SPAG16: variants seen among roughly 807,000 people sequenced by gnomAD.
The protein encoded by SPAG16 is sperm-associated antigen 16 protein.
A neutral mutation model predicts 80.4 loss-of-function variants in SPAG16; 86 were observed. The observed-to-expected ratio is 1.07, with a 90% CI of 0.90 to 1.28. The LOEUF (loss-of-function observed/expected upper bound fraction) is 1.28. Ranked by LOEUF, SPAG16 falls within the 50% of genes most tolerant of loss-of-function variation. The probability of loss-of-function intolerance (pLI) is 0.00; values close to 1 mark genes in which losing one functional copy is unlikely to be tolerated. For missense variants in SPAG16, 870 were observed against 765.3 expected (o/e 1.14, Z -1.61); for synonymous variants, 294 against 265.9 (o/e 1.11, Z -1.03).
chr2:213,491,171 T>C (rs1347916380), intron 10 of SPAG16, among the ~76,000 whole-genome samples: 1 of 152,202 alleles, frequency 6.6e-6, no homozygotes, highest in African/African-American at 2.4e-5. Context: ...ACCATAAAAA[T>C]GATACATTTA....
chr2:213,340,585 G>T (rs1227807448), intron 6 of SPAG16, among the ~76,000 whole-genome samples: 1 of 152,148 alleles, frequency 6.6e-6, no homozygotes, highest in Non-Finnish European at 1.5e-5. Flanking sequence ...GTATGAGTAA[G>T]AGTAGACAGT....
chr2:214,377,369 G>A (rs1253218666), intron 15 of SPAG16, among the ~76,000 whole-genome samples: 9 of 152,114 alleles, frequency 5.9e-5, no homozygotes, highest in African/African-American at 1.9e-4. Flanking sequence ...AAGTTGAATT[G>A]CTTGATATGT....
chr2:213,572,823 G>T (rs1412764494), intron 10 of SPAG16, among the ~76,000 whole-genome samples: 1 of 152,088 alleles, frequency 6.6e-6, no homozygotes, highest in African/African-American at 2.4e-5. Flanking sequence ...AATGGCGGGC[G>T]CCCCTCCCCC....
At chr2:214,167,510 C>T (rs1352314604) in intron 15 of SPAG16, among the ~76,000 whole-genome samples, 2 of 152,004 alleles carry the variant, frequency 1.3e-5, no homozygotes, top group East Asian at 3.9e-4. Flanking sequence ...TGTGCCTTTT[C>T]CTGGGGGTGG....
intron 15 of SPAG16, among the ~76,000 whole-genome samples, chr2:214,216,367 G>A (rs2058432384): frequency 1.3e-5 from 2 of 152,272 alleles, no homozygotes; most frequent in African/African-American, 2.4e-5. Context: ...CTGTCGCCAG[G>A]CTGGAATGCA....
In SPAG16 at chr2:214,228,664, G is replaced by C. The variant is rs79611940; in HGVS notation, c.1720+79398G>C. ...CTGAATCAGAAAGTCTGCAATTAGG[G>C]CCCAGCCATCAGTATTTTGACCTCA... On this transcript the variant is annotated intron_variant, in intron 15 of 15. Coordinates refer to ENST00000331683, the MANE Select transcript of SPAG16 (RefSeq NM_024532.5). 9.8e-3 allele frequency among the ~76,000 whole-genome samples: 1,481 copies of C among 151,842 alleles called. 26 individuals carry two copies. Among genetic ancestry groups the C allele is most frequent in the African/African-American group, 0.033 (1,385 of 41,480 alleles).
chr2:213,918,014 C>T (rs953497064), intron 11 of SPAG16, among the ~76,000 whole-genome samples: 2 of 152,098 alleles, frequency 1.3e-5, no homozygotes, highest in African/African-American at 2.4e-5. Flanking sequence ...TTTTCTGCAT[C>T]TATTGAGATA....
chr2:214,341,788 C>T (rs182767130), intron 15 of SPAG16, among the ~76,000 whole-genome samples: 1 of 152,132 alleles, frequency 6.6e-6, no homozygotes, highest in South Asian at 2.1e-4. Flanking sequence ...GAAATGTACT[C>T]CAGCAAAAGA....
chr2:213,437,373 C>G (rs1164932301), intron 9 of SPAG16, among the ~76,000 whole-genome samples: 2 of 152,278 alleles, frequency 1.3e-5, no homozygotes, highest in East Asian at 3.9e-4. Context: ...TTGAAAATAA[C>G]TTTTAACGGG....
intron 14 of SPAG16, among the ~76,000 whole-genome samples, chr2:214,123,340 C>T (rs2054310185): frequency 6.6e-6 from 1 of 151,836 alleles, no homozygotes; most frequent in Non-Finnish European, 1.5e-5. Flanking sequence ...GTTGATGGGT[C>T]TATGAAAATT....
intron 4 of SPAG16, among the ~76,000 whole-genome samples, chr2:213,313,505 A>G (rs1296296537): frequency 6.6e-6 from 1 of 151,756 alleles, no homozygotes; most frequent in Non-Finnish European, 1.5e-5. Flanking sequence ...AGATTAGGAA[A>G]TCTCATCAGT....
At chr2:214,071,111 C>T (rs1437160552) in intron 13 of SPAG16, among the ~76,000 whole-genome samples, 1 of 152,068 alleles carries the variant, frequency 6.6e-6, no homozygotes, top group Admixed American at 6.6e-5. Context: ...GTAGTTTCTG[C>T]TGTATGTGGT....
intron 15 of SPAG16, among the ~76,000 whole-genome samples, chr2:214,357,415 C>T (rs977486879): frequency 9.2e-5 from 14 of 151,752 alleles, no homozygotes; most frequent in African/African-American, 3.1e-4. Flanking sequence ...TGGGCTACAT[C>T]CTGTTCAATT....
At chr2:214,044,312 G>A (rs1411597601) in intron 13 of SPAG16, among the ~76,000 whole-genome samples, 7 of 152,094 alleles carry the variant, frequency 4.6e-5, no homozygotes, top group African/African-American at 1.7e-4. Context: ...TAAATGTCAT[G>A]TTCATCTTTC....
chr2:214,379,046 C>T (rs1381928412), intron 15 of SPAG16, among the ~76,000 whole-genome samples: 1 of 152,194 alleles, frequency 6.6e-6, no homozygotes, highest in East Asian at 1.9e-4. Flanking sequence ...TGCTGCAGGT[C>T]ACTGAACTCT....
At chr2:213,482,890 A>G (rs910584830) in intron 9 of SPAG16, among the ~76,000 whole-genome samples, 3 of 152,204 alleles carry the variant, frequency 2.0e-5, no homozygotes, top group Non-Finnish European at 4.4e-5. Flanking sequence ...TATAGATTAC[A>G]TACATATTTA....
chr2:214,145,490 T>C (rs1382957211), intron 14 of SPAG16, among the ~76,000 whole-genome samples: 1 of 152,178 alleles, frequency 6.6e-6, no homozygotes, highest in African/African-American at 2.4e-5. Context: ...TGATACCTAT[T>C]GCTAAATTTT....
intron 15 of SPAG16, among the ~76,000 whole-genome samples, chr2:214,287,291 T>A (rs542372090): frequency 2.6e-5 from 4 of 152,346 alleles, no homozygotes; most frequent in Non-Finnish European, 4.4e-5. Flanking sequence ...ATTTCTTTTA[T>A]CTTTTCTGTT....
At chr2:214,244,719 A>G (rs1689723819) in intron 15 of SPAG16, among the ~76,000 whole-genome samples, 1 of 152,106 alleles carries the variant, frequency 6.6e-6, no homozygotes. Context: ...CTAATGCTCC[A>G]TTGGTTTAAA....
Sources: allele counts gnomAD v4.1 joint callset (sites outside exome capture counted in the v4.1 genomes callset), GRCh38; gene constraint gnomAD v4.1.1; transcripts MANE v1.5; gene names NCBI Gene and HGNC (gene_info 2026-07-23, HGNC 2026-07-21).